The following TEX29 variants were observed in gnomAD, a reference collection of about 807,000 sequenced individuals.
TEX29 encodes testis-expressed protein 29.
A neutral mutation model predicts 18.2 loss-of-function variants in TEX29; 26 were observed. The ratio of observed to expected loss-of-function variants is 1.43; its 90% CI spans 1.04 to 1.98. The LOEUF is 1.98. Ranked by LOEUF, TEX29 falls within the 30% of genes most tolerant of loss-of-function variation. TEX29 has a pLI of 0.00. For synonymous variants in TEX29, 83 were observed against 78.5 expected (o/e 1.06, Z -0.31); for missense variants, 177 against 194.2 (o/e 0.91, Z 0.53).
intron 3 of TEX29, among the ~76,000 whole-genome samples, chr13:111,336,440 A>T (rs985116533): frequency 2.8e-4 from 42 of 152,208 alleles, no homozygotes; most frequent in African/African-American, 9.9e-4. Context: ...CAACTTCTTA[A>T]ATTGGCTGGT....
At chr13:111,326,585 G>A (rs1254165373) in intron 2 of TEX29, among the ~76,000 whole-genome samples, 46 of 146,774 alleles carry the variant, frequency 3.1e-4, no homozygotes, top group African/African-American at 1.2e-3. Context: ...GTGTCTGGTC[G>A]GGTGGAAGAG....
intron 2 of TEX29, among the ~76,000 whole-genome samples, chr13:111,326,023 A>AG (rs2093672325): frequency 6.6e-6 from 1 of 151,946 alleles, no homozygotes; most frequent in Non-Finnish European, 1.5e-5. Flanking sequence ...GACGGTGGGG[A>AG]GGGCGCCTGG....
At chr13:111,317,573 G>A (rs2093656633), upstream of TEX29, among the ~76,000 whole-genome samples, 1 of 152,234 alleles carries the variant, frequency 6.6e-6, no homozygotes, top group Admixed American at 6.5e-5. Context: ...CTGGACAGGT[G>A]TTGAAGATTT....
intron 2 of TEX29, 74 bp from the exon 3 acceptor site, chr13:111,328,109 C>A: frequency 2.1e-6 from 2 of 971,408 alleles, no homozygotes; most frequent in Non-Finnish European, 3.3e-6. Context: ...CACACCGGTT[C>A]CCAGGTTCTT....
At chr13:111,325,284 G>A (rs969801938) in intron 2 of TEX29, among the ~76,000 whole-genome samples, 2 of 152,224 alleles carry the variant, frequency 1.3e-5, no homozygotes, top group Non-Finnish European at 2.9e-5. Context: ...TCATGACTCT[G>A]GGAGAGCACA....
intron 4 of TEX29, 56 bp downstream of exon 4, chr13:111,339,988 G>A (rs893617409): frequency 1.3e-6 from 2 of 1,539,534 alleles, no homozygotes; most frequent in Admixed American, 3.3e-5. Flanking sequence ...CACCTCTCCT[G>A]GCCGCAGCTT....
intron 4 of TEX29, 41 bp from the exon 5 acceptor site, chr13:111,342,715 C>T: frequency 1.3e-6 from 2 of 1,593,132 alleles, no homozygotes; most frequent in Non-Finnish European, 1.7e-6. Flanking sequence ...AGTTTTCCAT[C>T]TGTAACTTCC....
intron 5 of TEX29, 137 bp downstream of exon 5, chr13:111,343,068 A>G: frequency 9.4e-7 from 1 of 1,066,298 alleles, no homozygotes; most frequent in African/African-American, 1.6e-5. Flanking sequence ...GTTTGTTCAA[A>G]ATTGTAATGT....
At chr13:111,328,414 T>C (rs2093677653) in intron 3 of TEX29, 121 bp downstream of exon 3, 1 of 689,168 alleles carries the variant, frequency 1.5e-6, no homozygotes, top group Non-Finnish European at 2.6e-6. Context: ...CTTTGTATTG[T>C]TCTCTGGCCA....
At chr13:111,331,744 A>G (rs904544567) in intron 3 of TEX29, among the ~76,000 whole-genome samples, 1 of 152,130 alleles carries the variant, frequency 6.6e-6, no homozygotes, top group Admixed American at 6.5e-5. Context: ...ATCTGGTGCA[A>G]GGAAGGTTTC....
At chr13:111,320,002 C>T (rs748326253), upstream of TEX29, among the ~76,000 whole-genome samples, 8 of 152,232 alleles carry the variant, frequency 5.3e-5, no homozygotes, top group Non-Finnish European at 8.8e-5. Context: ...CCATCCTCAC[C>T]ATGACCCATG....
At chr13:111,316,242 TA>T, upstream of TEX29, 1 of 505,734 alleles carries the variant, frequency 2.0e-6, no homozygotes, top group South Asian at 1.5e-5. Context: ...AGACAGGAAG[TA>T]ACAGTGCAGG....
At chr13:111,334,491 C>T (rs942826243) in intron 3 of TEX29, among the ~76,000 whole-genome samples, 2 of 152,244 alleles carry the variant, frequency 1.3e-5, no homozygotes, top group Non-Finnish European at 2.9e-5. Flanking sequence ...TATGCAGATC[C>T]TTAAGTCAGC....
chr13:111,323,701 A>G (rs1466131743), intron 2 of TEX29, among the ~76,000 whole-genome samples: 2 of 151,376 alleles, frequency 1.3e-5, no homozygotes, highest in Non-Finnish European at 3.0e-5. Context: ...CAGGAAGGCC[A>G]CACACATGAG....
Position 111,339,872 on chromosome 13 carries a change from A to T in TEX29, c.179A>T (p.His60Leu), listed in dbSNP as rs781004713. 57 of 1,613,088 alleles carry T rather than the reference A, an allele frequency of 3.5e-5. No homozygotes were observed. The highest frequency in any genetic ancestry group is 4.8e-5 in the Non-Finnish European group (57 of 1,179,492). Reference protein sequence around the residue: ...CYKKAVPIYIHVFSALIVIIA... With the variant: ...CYKKAVPIYILVFSALIVIIA... Reference sequence around the variant, plus strand: ...TCCCACCATTTTTCAGTTTACATCCACGTGTTCTCTGCCTTGATTGTGATC... The same window carrying T: ...TCCCACCATTTTTCAGTTTACATCCTCGTGTTCTCTGCCTTGATTGTGATC... Residue 60 changes from histidine to leucine, a missense_variant, in exon 4 of 6, where the codon CAC becomes CTC. Physicochemically the swap from His to Leu is moderately conservative, Grantham distance 99 (BLOSUM62 -3). Transcript: ENST00000283547.
At chr13:111,337,166 G>A (rs1297770150) in intron 3 of TEX29, among the ~76,000 whole-genome samples, 1 of 152,146 alleles carries the variant, frequency 6.6e-6, no homozygotes, top group East Asian at 1.9e-4. Flanking sequence ...CAGATTCTCT[G>A]GGCAAGCTCT....
upstream of TEX29, among the ~76,000 whole-genome samples, chr13:111,319,246 A>G (rs1181263663): frequency 6.6e-6 from 1 of 152,180 alleles, no homozygotes; most frequent in African/African-American, 2.4e-5. Flanking sequence ...GTGAAAATCT[A>G]CGTCCACACA....
At chr13:111,324,474 C>T (rs778179579) in intron 2 of TEX29, among the ~76,000 whole-genome samples, 21 of 152,208 alleles carry the variant, frequency 1.4e-4, no homozygotes, top group Non-Finnish European at 2.5e-4. Flanking sequence ...GGTCTGTCCC[C>T]TGCTAATTGA....
rs2093700974 is a variant in TEX29, at chr13:111,344,094, A to G, written c.427A>G (p.Ile143Val). Residue 143 changes from isoleucine to valine, a missense_variant, in exon 6 of 6, where the codon ATA (isoleucine) becomes GTA (valine). Transcript: ENST00000283547. ...TTCTAAAAATCTAGTAACAGGGACA[A>G]TAACAGAAGCCGAAGAAACTGAGGA... Reference protein sequence around the residue: ...DEDKDDVTGTITEAEETED With the variant: ...DEDKDDVTGTVTEAEETED The G allele has an allele frequency of 6.2e-7, 1 of 1,612,912 alleles. No homozygotes were observed. Among genetic ancestry groups the G allele is most frequent in the Non-Finnish European group, 8.5e-7 (1 of 1,179,276 alleles).
Sources: gnomAD v4.1 joint callset for allele counts (sites outside exome capture counted in the v4.1 genomes callset) on GRCh38, gnomAD v4.1.1 for gene constraint, MANE v1.5 for transcripts, NCBI Gene and HGNC (gene_info 2026-07-23, HGNC 2026-07-21) for gene names.